CAMK2B: variants seen among roughly 807,000 people sequenced by gnomAD.
CAMK2B encodes calcium/calmodulin-dependent protein kinase type II subunit beta.
Under a neutral mutation model 93.7 loss-of-function variants are expected in CAMK2B, and 27 were observed. That is an observed-to-expected ratio of 0.29 (90% CI 0.21 to 0.40). The LOEUF (loss-of-function observed/expected upper bound fraction) is 0.40. Among genes scored for constraint, CAMK2B ranks in the 10% least tolerant of loss-of-function variants. CAMK2B has a pLI of 1.00. For synonymous variants in CAMK2B, 374 were observed against 358.8 expected, an observed-to-expected ratio of 1.04 and a Z score of -0.48; for missense variants, 568 against 895.8, an observed-to-expected ratio of 0.63 and a Z score of 4.67.
intron 4 of CAMK2B, among the ~76,000 whole-genome samples, chr7:44,256,898 T>C (rs2096838857): frequency 6.6e-6 from 1 of 152,182 alleles, no homozygotes; most frequent in Non-Finnish European, 1.5e-5. Context: ...CCCACGTTGG[T>C]TGCTGTGGGG....
intron 13 of CAMK2B, among the ~76,000 whole-genome samples, chr7:44,238,457 G>A (rs778079459): frequency 2.0e-5 from 3 of 152,180 alleles, no homozygotes; most frequent in South Asian, 2.1e-4. Context: ...TCCCGCCTGC[G>A]CTCTGGAAAG....
At chr7:44,250,750 G>A (rs1454732153) in intron 5 of CAMK2B, among the ~76,000 whole-genome samples, 8 of 152,114 alleles carry the variant, frequency 5.3e-5, no homozygotes, top group Non-Finnish European at 2.9e-5. Context: ...AGATGTTTTC[G>A]ATCTCCTGAC....
Position 44,240,700 on chromosome 7 carries a change from G to C in CAMK2B, c.946+7C>G, listed in dbSNP as rs755395256. On this transcript the variant is annotated splice_region_variant and intron_variant, in intron 12 of 23. Transcript: ENST00000395749. ...AGCGCCTGTCTCCCTGGAGAAGAAA[G>C]GCTCACCTGAGAAATTCCGTGTGGC... 8.1e-6 allele frequency: 13 copies of C among 1,613,898 alleles called. No individual in the cohort carries two copies. Among genetic ancestry groups the C allele is most frequent in the Non-Finnish European group, 1.1e-5 (13 of 1,179,940 alleles).
At chr7:44,298,819 A>G (rs766198336) in intron 1 of CAMK2B, among the ~76,000 whole-genome samples, 4 of 152,268 alleles carry the variant, frequency 2.6e-5, no homozygotes, top group Non-Finnish European at 5.9e-5. Flanking sequence ...AATCAAAACC[A>G]TAATGAGATA....
chr7:44,248,906 A>G lies in CAMK2B; in HGVS notation c.342-1714T>C, dbSNP rs1016200514. 2.0e-5 allele frequency among the ~76,000 whole-genome samples: 3 copies of G among 152,124 alleles called. No homozygotes were observed. Among genetic ancestry groups the G allele is most frequent in the Non-Finnish European group, 2.9e-5 (2 of 68,020 alleles). ...TTGGTGGTGTCACTTCAATGTCACC[A>G]AGAGTGGGAGCCACAATCCTATCTC... On this transcript the variant is annotated intron_variant, in intron 5 of 23. Coordinates refer to ENST00000395749, the MANE Select transcript of CAMK2B (RefSeq NM_001220.5). This position sits in a 1 kb window ranked among gnomAD's most constrained non-coding sequence, Gnocchi z 4.1.
At chr7:44,258,122 C>T (rs974816411) in intron 4 of CAMK2B, among the ~76,000 whole-genome samples, 9 of 152,390 alleles carry the variant, frequency 5.9e-5, no homozygotes, top group Admixed American at 5.2e-4. Context: ...GATGAGATCA[C>T]TGCTTCTAAA....
chr7:44,263,189 C>A, intron 2 of CAMK2B, 125 bp from the exon 3 acceptor site: 1 of 819,798 alleles, frequency 1.2e-6, no homozygotes, highest in East Asian at 2.6e-5. Flanking sequence ...GGTTGTGCCC[C>A]CACCAAGGGA....
chr7:44,283,138 GC>G (rs1784164422), intron 2 of CAMK2B, among the ~76,000 whole-genome samples: 3 of 152,202 alleles, frequency 2.0e-5, no homozygotes, highest in African/African-American at 7.2e-5. Flanking sequence ...CCACCTTGGG[GC>G]TCCAGCAGGA....
At chr7:44,289,164 C>A (rs957327471) in intron 1 of CAMK2B, among the ~76,000 whole-genome samples, 53 of 152,322 alleles carry the variant, frequency 3.5e-4, no homozygotes, top group African/African-American at 1.2e-3. Flanking sequence ...AACCGGCCAC[C>A]AGTTGCTGAC....
At chr7:44,241,199 G>T (rs771878767) in intron 11 of CAMK2B, among the ~76,000 whole-genome samples, 2 of 152,132 alleles carry the variant, frequency 1.3e-5, no homozygotes, top group Non-Finnish European at 2.9e-5. Context: ...ACAAGTAGAG[G>T]GACTGCCAGT....
At chr7:44,325,638 G>C (rs1270093300), upstream of CAMK2B, 1 of 150,836 alleles carries the variant, frequency 6.6e-6, no homozygotes, top group Non-Finnish European at 1.4e-5. Context: ...ACCTACGCGC[G>C]GGGAGGCGCG....
At chr7:44,220,504 G>T in intron 22 of CAMK2B, 112 bp downstream of exon 22, 1 of 1,005,166 alleles carries the variant, frequency 9.9e-7, no homozygotes, top group Non-Finnish European at 1.5e-6. Flanking sequence ...CCAACCCTGG[G>T]CACAGAGGGG....
At chr7:44,290,916 G>C (rs1220434990) in intron 1 of CAMK2B, among the ~76,000 whole-genome samples, 1 of 152,204 alleles carries the variant, frequency 6.6e-6, no homozygotes, top group East Asian at 1.9e-4. Flanking sequence ...GTAAACAAGA[G>C]GGTCTACAGA....
intron 1 of CAMK2B, among the ~76,000 whole-genome samples, chr7:44,306,998 A>AT: frequency 1.6e-5 from 2 of 126,388 alleles, no homozygotes; most frequent in South Asian, 2.9e-4. Flanking sequence ...GAGCAGGAGG[A>AT]GGAGGGTGTG....
Position 44,228,801 on chromosome 7 carries a change from G to T in CAMK2B, c.1463C>A (p.Ser488Tyr), listed in dbSNP as rs574003384. The change falls in exon 19 of 24, where the codon TCC (serine) becomes TAC (tyrosine). Residue 488 changes from serine to tyrosine, a missense_variant. This residue lies in a region of CAMK2B where 308 missense variants were observed against 292.1 expected (regional missense o/e 1.05). Transcript: ENST00000395749. ...GCCTGGGGGCCACTACTTACACGGG[G>T]AGGACAGGGGGCCTAGGAGAGCCGG... The part of the protein sequence containing the change: ...LSPALLGPLS[S>Y]PSPRISDILN... 6 of 1,493,782 alleles carry T rather than the reference G, an allele frequency of 4.0e-6. No individual in the cohort carries two copies. In the East Asian group the frequency reaches 1.4e-4, roughly 36 times the overall value. The allele number at this position is 1,493,782 out of a possible 1,614,324, so 92.5% of individuals were successfully genotyped here.
intron 15 of CAMK2B, among the ~76,000 whole-genome samples, chr7:44,233,141 G>GC (rs1487719982): frequency 6.6e-6 from 1 of 152,122 alleles, no homozygotes; most frequent in African/African-American, 2.4e-5. Flanking sequence ...ACCGTGTGGG[G>GC]CCCCGACAAG....
rs1794913136 is a variant in CAMK2B at position 44,316,755 on chromosome 7, C to G, written c.65+8602G>C. Among the ~76,000 whole-genome samples, 4 of 152,150 alleles carry G rather than the reference C, an allele frequency of 2.6e-5. No homozygotes were observed. The South Asian group carries it at 8.3e-4, about 32-fold the overall frequency. ...GCCAGATTCAGTAGTTTGTGTCTTT[C>G]TAAGTATTTGTCCATTTCATCCAGG... On this transcript the variant is annotated intron_variant, in intron 1 of 23. Coordinates refer to ENST00000395749, the MANE Select transcript of CAMK2B (RefSeq NM_001220.5).
At chr7:44,247,558 C>T (rs531860795) in intron 5 of CAMK2B, among the ~76,000 whole-genome samples, 85 of 151,874 alleles carry the variant, frequency 5.6e-4, no homozygotes, top group Non-Finnish European at 1.6e-4. Context: ...GTAAGGCAGG[C>T]TGAGGTGAGC....
chr7:44,300,020 CTGTGTGTGTG>C (rs143590426), intron 1 of CAMK2B, among the ~76,000 whole-genome samples: 25 of 141,708 alleles, frequency 1.8e-4, no homozygotes, highest in Non-Finnish European at 2.6e-4. Context: ...GTGTATGTGT[CTGTGTGTGTG>C]TGTGTGTGTG....
Sources: allele counts gnomAD v4.1 joint callset (sites outside exome capture counted in the v4.1 genomes callset), GRCh38; gene constraint gnomAD v4.1.1; regional missense constraint gnomAD v4.1.1; non-coding constraint Gnocchi (gnomAD v3.1); transcripts MANE v1.5; gene names NCBI Gene and HGNC (gene_info 2026-07-23, HGNC 2026-07-21).